The following TARS3 variants were observed in gnomAD, a reference collection of about 807,000 sequenced individuals.
TARS3 encodes threonyl-tRNA synthetase 3, also known as threonine--tRNA ligase 2, cytoplasmic.
A neutral mutation model predicts 103.5 loss-of-function variants in TARS3; 94 were observed. The ratio of observed to expected loss-of-function variants is 0.91; its 90% CI spans 0.77 to 1.08. The LOEUF (loss-of-function observed/expected upper bound fraction) is 1.08, where lower values mean the gene tolerates loss of function less well. Among genes scored for constraint, TARS3 ranks in the 50% least tolerant of loss-of-function variants. The pLI is 0.00. For synonymous variants in TARS3, 416 were observed against 355.4 expected (o/e 1.17, Z -1.92); for missense variants, 952 against 995.2 (o/e 0.96, Z 0.58).
intron 10 of TARS3, among the ~76,000 whole-genome samples, chr15:101,700,227 C>T (rs879887869): frequency 6.6e-5 from 10 of 151,698 alleles, no homozygotes; most frequent in East Asian, 3.9e-4. Context: ...GTAGTCCACC[C>T]GGATCACCTG....
rs74500709 is a variant in TARS3 at position 101,699,343 on chromosome 15, G to A, written c.1320+1743C>T. On this transcript the variant is annotated intron_variant, in intron 10 of 18. Coordinates refer to ENST00000335968, the MANE Select transcript of TARS3 (RefSeq NM_152334.3). Reference sequence around the variant, plus strand: ...CCAGTGCCCTTACCTTAGAATAAGAGATCACTGGGTTTGTGCATTTAAGTG... The same window carrying A: ...CCAGTGCCCTTACCTTAGAATAAGAAATCACTGGGTTTGTGCATTTAAGTG... 1,804 of 454,344 alleles carry A rather than the reference G, an allele frequency of 4.0e-3. 18 individuals carry two copies. Among genetic ancestry groups the A allele is most frequent in the African/African-American group, 0.023 (1,160 of 50,040 alleles). The allele number at this position is 454,344 out of a possible 1,614,324, so 28.1% of individuals were successfully genotyped here. A position where few individuals can be genotyped will look rare whatever the true frequency, so the allele number is the denominator to read the frequency against.
At chr15:101,683,088 C>T (rs567763206) in intron 12 of TARS3, among the ~76,000 whole-genome samples, 6 of 152,060 alleles carry the variant, frequency 3.9e-5, no homozygotes, top group African/African-American at 1.4e-4. Context: ...TTTATTTTTA[C>T]TCTTTATTTT....
chr15:101,666,157 C>T (rs1031699919), intron 15 of TARS3, among the ~76,000 whole-genome samples: 2 of 152,150 alleles, frequency 1.3e-5, no homozygotes, highest in Non-Finnish European at 2.9e-5. Context: ...AAGGTTAACA[C>T]AAAAATGGAT....
rs1355223917 is a variant in TARS3 at position 101,724,159 on chromosome 15, C to T, written c.229G>A (p.Glu77Lys). 33 of 1,477,518 alleles carry T rather than the reference C, an allele frequency of 2.2e-5. No homozygotes were observed. Among genetic ancestry groups the T allele is most frequent in the Non-Finnish European group, 3.0e-5 (33 of 1,115,840 alleles). 91.5% of individuals were successfully genotyped at this position (1,477,518 alleles called of 1,614,324 possible). A position where few individuals can be genotyped will look rare whatever the true frequency, so the allele number is the denominator to read the frequency against. ...AGCGTGGCCTGGCGGCTCCGCTCCT[C>T]GGCGAGGCACAGCCGCAGGCTGCAC... ...RLCSLRLCLAEERSRQATLES... is the reference protein window; with the variant it reads ...RLCSLRLCLAKERSRQATLES... The change falls in exon 1 of 19, where the codon GAG becomes AAG. Residue 77 changes from glutamate (E) to lysine (K), a missense_variant. By Grantham distance (56) the Glu-to-Lys change is moderately conservative. Transcript: ENST00000335968.
At chr15:101,699,184 A>T in intron 10 of TARS3, 1 of 262,398 alleles carries the variant, frequency 3.8e-6, no homozygotes, top group Non-Finnish European at 7.6e-6. Context: ...CAGAAAAAAC[A>T]GCTGAGTTCT....
In TARS3 at chr15:101,714,681, T is replaced by C. The variant is rs1042493176; in HGVS notation, c.690+159A>G. The C allele has an allele frequency of 3.3e-4, 147 of 443,608 alleles. 2 individuals are homozygous for C. Among genetic ancestry groups the C allele is most frequent in the Non-Finnish European group, 1.7e-4 (46 of 268,964 alleles). 27.5% of individuals were successfully genotyped at this position (443,608 alleles called of 1,614,324 possible). On this transcript the variant is annotated intron_variant, in intron 4 of 18. Coordinates refer to ENST00000335968, the MANE Select transcript of TARS3 (RefSeq NM_152334.3). ...AAAAACTGACATGTATTTGTATACA[T>C]TCATGCCACAAATATTTATTAAACA...
At chr15:101,721,493 G>A (rs1253770699) in intron 2 of TARS3, among the ~76,000 whole-genome samples, 171 bp from the exon 3 acceptor site, 4 of 152,066 alleles carry the variant, frequency 2.6e-5, no homozygotes, top group African/African-American at 9.7e-5. Flanking sequence ...TTGGTTTGTT[G>A]TTGTTGTTGC....
At chr15:101,692,645 C>T (rs1388010321) in intron 10 of TARS3, among the ~76,000 whole-genome samples, 2 of 148,620 alleles carry the variant, frequency 1.3e-5, no homozygotes, top group Non-Finnish European at 3.0e-5. Context: ...GCTCCAAGCT[C>T]TCTGTGGGTT....
intron 8 of TARS3, 98 bp from the exon 9 acceptor site, chr15:101,702,483 A>T (rs1273176430): frequency 9.5e-7 from 1 of 1,048,266 alleles, no homozygotes; most frequent in African/African-American, 1.6e-5. Flanking sequence ...TCATATCAAC[A>T]AAGCAGCCCT....
At chr15:101,663,708 T>C (rs1249071329) in intron 15 of TARS3, among the ~76,000 whole-genome samples, 1 of 152,236 alleles carries the variant, frequency 6.6e-6, no homozygotes, top group East Asian at 1.9e-4. Context: ...CATTTCTCCA[T>C]TTGATTCTGT....
chr15:101,697,349 A>C (rs1037028783), intron 10 of TARS3, among the ~76,000 whole-genome samples: 2 of 152,180 alleles, frequency 1.3e-5, no homozygotes, highest in African/African-American at 4.8e-5. Context: ...CCAGAAACAG[A>C]TGGTGGGTAA....
rs1370415740 is a variant in TARS3 at position 101,654,703 on chromosome 15, TTATC to T, written c.2284_2287del (p.Asp762MetfsTer3). 5.6e-6 allele frequency: 9 copies of T among 1,613,808 alleles called. No homozygotes were observed. Among genetic ancestry groups the T allele is most frequent in the African/African-American group, 4.0e-5 (3 of 74,906 alleles). ...GTCTCTTGTTCGCACGTTTACAGCA[TTATC>T]TATCTTTTCCTTTTCTCCAACCACT... On this transcript the variant is annotated frameshift_variant, in exon 19 of 19. Coordinates refer to ENST00000335968, the MANE Select transcript of TARS3 (RefSeq NM_152334.3). LOFTEE classifies it high-confidence loss of function.
chr15:101,700,960 T>C, intron 10 of TARS3, 126 bp downstream of exon 10: 4 of 646,956 alleles, frequency 6.2e-6, no homozygotes, highest in Non-Finnish European at 1.0e-5. Flanking sequence ...ACTTTTAACC[T>C]CAAAATTCTT....
chr15:101,671,273 C>T (rs546725037), intron 15 of TARS3, among the ~76,000 whole-genome samples: 1 of 152,136 alleles, frequency 6.6e-6, no homozygotes, highest in Non-Finnish European at 1.5e-5. Flanking sequence ...TTGTTCATAT[C>T]TCTACTCTCA....
At chr15:101,717,538 G>C (rs1288818648) in intron 3 of TARS3, among the ~76,000 whole-genome samples, 1 of 152,222 alleles carries the variant, frequency 6.6e-6, no homozygotes, top group African/African-American at 2.4e-5. Context: ...GGCCAGGTTT[G>C]GAGCCAATGG....
intron 1 of TARS3, 48 bp downstream of exon 1, chr15:101,724,043 C>A: frequency 1.5e-6 from 2 of 1,331,640 alleles, no homozygotes; most frequent in East Asian, 3.1e-5. Flanking sequence ...CGCACCGTCT[C>A]GGCCCGCCCC....
At chr15:101,722,019 G>A (rs940153972) in intron 2 of TARS3, among the ~76,000 whole-genome samples, 1 of 152,128 alleles carries the variant, frequency 6.6e-6, no homozygotes, top group Non-Finnish European at 1.5e-5. Context: ...GCTAAACTAC[G>A]ATGATCACTA....
chr15:101,703,769 CAA>C (rs1899400499), intron 8 of TARS3, 88 bp downstream of exon 8: 11 of 781,904 alleles, frequency 1.4e-5, no homozygotes, highest in Non-Finnish European at 2.2e-5. Flanking sequence ...GTTCAGACTA[CAA>C]AAGATATGAT....
In TARS3 at chr15:101,675,783, T is replaced by C. The variant is rs1455819162; in HGVS notation, c.1651-46A>G. 3 of 1,566,224 alleles carry C rather than the reference T, an allele frequency of 1.9e-6. No individual in the cohort carries two copies. In the Admixed American group the frequency reaches 5.4e-5, roughly 28 times the overall value. ...ACATTCAAATAGAACATCAAATTCA[T>C]TTATGTTTTAAAAAATACAATTCTT... On this transcript the variant is annotated intron_variant, in intron 12 of 18. Transcript: ENST00000335968.
Sources: gnomAD v4.1 joint callset for allele counts (sites outside exome capture counted in the v4.1 genomes callset) on GRCh38, gnomAD v4.1.1 for gene constraint, MANE v1.5 for transcripts, NCBI Gene and HGNC (gene_info 2026-07-23, HGNC 2026-07-21) for gene names.